Variants in SORCS3 observed in about 807,000 individuals in gnomAD.
The protein encoded by SORCS3 is sortilin related VPS10 domain containing receptor 3.
Under a neutral mutation model 146.3 loss-of-function variants are expected in SORCS3, and 57 were observed. The ratio of observed to expected loss-of-function variants is 0.39; its 90% CI spans 0.31 to 0.49. The LOEUF (loss-of-function observed/expected upper bound fraction) is 0.49, where lower values mean the gene tolerates loss of function less well. Ranked by LOEUF, SORCS3 falls within the 20% of genes least tolerant of loss-of-function variation. SORCS3 has a pLI of 0.92. For missense variants in SORCS3, 1,341 were observed against 1,575.5 expected (o/e 0.85, Z 2.52); for synonymous variants, 653 against 618.5 (o/e 1.06, Z -0.83).
intron 2 of SORCS3, among the ~76,000 whole-genome samples, chr10:104,890,842 A>G (rs2018742551): frequency 6.6e-6 from 1 of 152,224 alleles, no homozygotes; most frequent in Non-Finnish European, 1.5e-5. Flanking sequence ...ATTTCTCCAG[A>G]TATTGACTAA....
At chr10:105,021,620 A>G (rs1037222685) in intron 4 of SORCS3, among the ~76,000 whole-genome samples, 1 of 152,172 alleles carries the variant, frequency 6.6e-6, no homozygotes, top group Non-Finnish European at 1.5e-5. Flanking sequence ...GTTCCCTGAG[A>G]TGGGATAATT....
chr10:105,212,913 A>G (rs2056642335), intron 17 of SORCS3, among the ~76,000 whole-genome samples: 1 of 152,252 alleles, frequency 6.6e-6, no homozygotes, highest in South Asian at 2.1e-4. Context: ...CAAATTAACT[A>G]TAATATGAGG....
At chr10:104,860,787 T>G (rs1220358611) in intron 2 of SORCS3, among the ~76,000 whole-genome samples, 1 of 152,186 alleles carries the variant, frequency 6.6e-6, no homozygotes, top group Admixed American at 6.5e-5. Flanking sequence ...TCAGTAACTT[T>G]CCTGGCATGC....
At chr10:104,855,680 C>T (rs994548783) in intron 2 of SORCS3, among the ~76,000 whole-genome samples, 1 of 151,948 alleles carries the variant, frequency 6.6e-6, no homozygotes, top group Non-Finnish European at 1.5e-5. Context: ...ATTATTTCCC[C>T]AAGACCTTGC....
At chr10:104,962,614 C>T (rs1308070730) in intron 3 of SORCS3, among the ~76,000 whole-genome samples, 1 of 152,132 alleles carries the variant, frequency 6.6e-6, no homozygotes, top group African/African-American at 2.4e-5. Context: ...GAGTTGTGCT[C>T]ACCATGTGGA....
intron 13 of SORCS3, among the ~76,000 whole-genome samples, chr10:105,169,342 A>G (rs952056813): frequency 3.9e-5 from 6 of 152,124 alleles, no homozygotes; most frequent in Admixed American, 2.6e-4. Flanking sequence ...ATGTGTGACT[A>G]GAAGTGAAAG....
chr10:104,673,376 G>T (rs986756661), intron 1 of SORCS3, among the ~76,000 whole-genome samples: 1 of 151,494 alleles, frequency 6.6e-6, no homozygotes, highest in African/African-American at 2.4e-5. Flanking sequence ...GTGTTTAGTT[G>T]ATATTTTTTG....
Position 104,908,418 on chromosome 10 carries a change from A to T in SORCS3, c.696-7415A>T, listed in dbSNP as rs188839627. Among the ~76,000 whole-genome samples the T allele has an allele frequency of 4.4e-3, 672 of 152,358 alleles. 4 individuals carry two copies. The highest frequency in any genetic ancestry group is 0.015 in the African/African-American group (634 of 41,582). ...ACAATCAGGGGTATTCATAAAAATGACAGCCATAAGCATTTATGGAACAAG... is the reference window on the plus strand; with the variant it reads ...ACAATCAGGGGTATTCATAAAAATGTCAGCCATAAGCATTTATGGAACAAG... On this transcript the variant is annotated intron_variant, in intron 2 of 26. Transcript: ENST00000369701.
At chr10:105,089,905 T>C (rs1386248887) in intron 6 of SORCS3, 66 bp downstream of exon 6, 1 of 1,304,546 alleles carries the variant, frequency 7.7e-7, no homozygotes, top group African/African-American at 1.5e-5. Context: ...CCTCCCCCAA[T>C]TTGCATTTTA....
At chr10:104,660,517 G>A (rs1239438423) in intron 1 of SORCS3, among the ~76,000 whole-genome samples, 2 of 152,178 alleles carry the variant, frequency 1.3e-5, no homozygotes, top group Non-Finnish European at 2.9e-5. Flanking sequence ...AGGGATGCAG[G>A]GAAGTGAGCT....
intron 4 of SORCS3, among the ~76,000 whole-genome samples, chr10:105,024,811 C>T (rs554937003): frequency 5.9e-5 from 9 of 152,292 alleles, no homozygotes; most frequent in African/African-American, 2.2e-4. Context: ...AAGGTGTTTT[C>T]TGGGTTTGAA....
intron 1 of SORCS3, 68 bp downstream of exon 1, chr10:104,642,022 G>GGGTTGGGGGGGGGGGGGGGCA: frequency 5.8e-6 from 1 of 173,336 alleles, no homozygotes; most frequent in Non-Finnish European, 1.1e-5. Context: ...GGGTGGGTGG[G>GGGTTGGGGGGGGGGGGGGGCA]AGCGAGGGAC....
intron 9 of SORCS3, among the ~76,000 whole-genome samples, chr10:105,156,431 G>T (rs1019084754): frequency 2.3e-4 from 35 of 152,116 alleles, no homozygotes; most frequent in Non-Finnish European, 4.4e-4. Flanking sequence ...CTTGTTTTGT[G>T]GTGATGCTCT....
At chr10:104,723,550 C>T (rs1271549693) in intron 1 of SORCS3, among the ~76,000 whole-genome samples, 5 of 152,116 alleles carry the variant, frequency 3.3e-5, no homozygotes, top group East Asian at 1.9e-4. Context: ...CTTTCTGTCT[C>T]GTTGATCTGT....
chr10:104,851,406 C>T (rs2018272703), intron 2 of SORCS3, among the ~76,000 whole-genome samples: 1 of 152,116 alleles, frequency 6.6e-6, no homozygotes, highest in Non-Finnish European at 1.5e-5. Context: ...CTTAAATAAC[C>T]CTGCCATTTG....
chr10:104,852,401 A>G (rs1004976299), intron 2 of SORCS3, among the ~76,000 whole-genome samples: 1 of 152,120 alleles, frequency 6.6e-6, no homozygotes, highest in African/African-American at 2.4e-5. Flanking sequence ...CCGAGGGACT[A>G]TTTTGGGACT....
intron 3 of SORCS3, among the ~76,000 whole-genome samples, chr10:104,936,531 A>C (rs1318837141): frequency 1.3e-5 from 2 of 152,202 alleles, no homozygotes; most frequent in African/African-American, 4.8e-5. Context: ...GCAGAGAGAC[A>C]GGTTGGTGAA....
intron 1 of SORCS3, among the ~76,000 whole-genome samples, chr10:104,718,776 G>C (rs2016509776): frequency 6.6e-6 from 1 of 152,190 alleles, no homozygotes; most frequent in Admixed American, 6.5e-5. Context: ...TAGGCCCGAG[G>C]AACTGGAGGA....
At chr10:105,002,733 G>T (rs1386638218) in intron 4 of SORCS3, among the ~76,000 whole-genome samples, 1 of 152,198 alleles carries the variant, frequency 6.6e-6, no homozygotes, top group Admixed American at 6.5e-5. Context: ...GTGAGAGCGA[G>T]TGTTGGCTCT....
Sources: gnomAD v4.1 joint callset for allele counts (sites outside exome capture counted in the v4.1 genomes callset) on GRCh38, gnomAD v4.1.1 for gene constraint, MANE v1.5 for transcripts, NCBI Gene and HGNC (gene_info 2026-07-23, HGNC 2026-07-21) for gene names.